The following PTK2B variants were observed in gnomAD, a reference collection of about 807,000 sequenced individuals.
PTK2B encodes protein tyrosine kinase 2 beta.
Under a neutral mutation model 142.9 loss-of-function variants are expected in PTK2B, and 71 were observed. The observed-to-expected ratio is 0.50, with a 90% CI of 0.41 to 0.61. The LOEUF (loss-of-function observed/expected upper bound fraction) is 0.61. Ranked by LOEUF, PTK2B falls within the 20% of genes least tolerant of loss-of-function variation. The pLI is 0.00. For missense variants in PTK2B, 1,105 were observed against 1,320.4 expected, an observed-to-expected ratio of 0.84 and a Z score of 2.53; for synonymous variants, 519 against 503.4, an observed-to-expected ratio of 1.03 and a Z score of -0.42.
intron 1 of PTK2B, among the ~76,000 whole-genome samples, chr8:27,362,190 G>T (rs1348051970): frequency 6.6e-6 from 1 of 152,168 alleles, no homozygotes; most frequent in East Asian, 1.9e-4. Flanking sequence ...CAGGGCTTGA[G>T]TTGAAAAGTT....
intron 2 of PTK2B, among the ~76,000 whole-genome samples, chr8:27,404,311 G>A (rs1808572272): frequency 6.6e-6 from 1 of 152,198 alleles, no homozygotes; most frequent in Non-Finnish European, 1.5e-5. Context: ...TTGAGCAGAA[G>A]CAGAGATATT....
chr8:27,425,094 A>G (rs1256278719), intron 5 of PTK2B, among the ~76,000 whole-genome samples: 2 of 151,978 alleles, frequency 1.3e-5, no homozygotes, highest in East Asian at 3.8e-4. Flanking sequence ...TTATGTTTCT[A>G]TATAACATTT....
At chr8:27,416,829 A>G (rs1809429699) in intron 2 of PTK2B, among the ~76,000 whole-genome samples, 1 of 152,232 alleles carries the variant, frequency 6.6e-6, no homozygotes, top group Non-Finnish European at 1.5e-5. Flanking sequence ...AGGAAGGTAT[A>G]TGAATGGCCT....
At chr8:27,407,823 A>G (rs921578842) in intron 2 of PTK2B, among the ~76,000 whole-genome samples, 1 of 152,016 alleles carries the variant, frequency 6.6e-6, no homozygotes, top group Non-Finnish European at 1.5e-5. Context: ...ACCCATCACA[A>G]TGCTAGCTAC....
chr8:27,439,165 G>A, intron 19 of PTK2B, 34 bp downstream of exon 19: 1 of 1,602,746 alleles, frequency 6.2e-7, no homozygotes, highest in Non-Finnish European at 8.5e-7. Context: ...CATTGGCCTT[G>A]GAGGGGTCGC....
At chr8:27,450,286 A>T (rs1460934583) in intron 24 of PTK2B, among the ~76,000 whole-genome samples, 1 of 152,194 alleles carries the variant, frequency 6.6e-6, no homozygotes, top group Non-Finnish European at 1.5e-5. Flanking sequence ...TTAGGTGGAG[A>T]TAGCATCAGA....
chr8:27,317,192 T>C (rs1387055947), intron 3 of PTK2B, among the ~76,000 whole-genome samples: 1 of 152,238 alleles, frequency 6.6e-6, no homozygotes, highest in Non-Finnish European at 1.5e-5. Flanking sequence ...CCTTCCAGAA[T>C]ACTCCCTTGC....
intron 1 of PTK2B, among the ~76,000 whole-genome samples, chr8:27,338,406 G>A (rs915457290): frequency 2.0e-5 from 3 of 152,024 alleles, no homozygotes; most frequent in African/African-American, 7.2e-5. Context: ...AGGGTGGGAG[G>A]GGGGTGAGGG....
chr8:27,320,980 CTTTTTTT>C (rs776395346), upstream of PTK2B, among the ~76,000 whole-genome samples: 15 of 39,394 alleles, frequency 3.8e-4, no homozygotes, highest in South Asian at 1.3e-3. Context: ...ATACAAAAGG[CTTTTTTT>C]TTTTTTTTTT....
chr8:27,400,183 G>A (rs908943136), intron 2 of PTK2B, among the ~76,000 whole-genome samples: 5 of 152,176 alleles, frequency 3.3e-5, no homozygotes, highest in Non-Finnish European at 1.5e-5. Context: ...TGTGCCCTCG[G>A]GAAGGGAATG....
chr8:27,338,815 A>G (rs1804228309), intron 1 of PTK2B, among the ~76,000 whole-genome samples: 1 of 152,198 alleles, frequency 6.6e-6, no homozygotes, highest in African/African-American at 2.4e-5. Context: ...AGAGAGCTTT[A>G]CCTCCTATTC....
chr8:27,453,972 G>A, intron 28 of PTK2B, 182 bp from the exon 29 acceptor site: 1 of 748,786 alleles, frequency 1.3e-6, no homozygotes, highest in Non-Finnish European at 2.1e-6. Context: ...CTCCCTGGCT[G>A]GAAACTGCCC....
At chr8:27,398,471 A>G (rs2131424989) in intron 2 of PTK2B, among the ~76,000 whole-genome samples, 1 of 152,360 alleles carries the variant, frequency 6.6e-6, no homozygotes, top group South Asian at 2.1e-4. Flanking sequence ...AACTAATTTC[A>G]GTCATCTACA....
intron 3 of PTK2B, among the ~76,000 whole-genome samples, chr8:27,320,372 A>G (rs970765975): frequency 2.6e-5 from 4 of 152,134 alleles, no homozygotes; most frequent in African/African-American, 9.7e-5. Context: ...ACCTGGAGAT[A>G]GCATCAGATC....
chr8:27,374,568 C>T (rs1806554994), intron 1 of PTK2B, among the ~76,000 whole-genome samples: 1 of 152,222 alleles, frequency 6.6e-6, no homozygotes, highest in African/African-American at 2.4e-5. Flanking sequence ...TCAGCAGGCT[C>T]TGGGCTCTCA....
At chr8:27,312,104 G>C (rs1416375858) in intron 1 of PTK2B, among the ~76,000 whole-genome samples, 1 of 152,174 alleles carries the variant, frequency 6.6e-6, no homozygotes, top group Non-Finnish European at 1.5e-5. Flanking sequence ...ATTCTTGCCA[G>C]GTACAGTAGG....
chr8:27,313,550 T>A (rs759806018), intron 3 of PTK2B, among the ~76,000 whole-genome samples: 12 of 152,004 alleles, frequency 7.9e-5, no homozygotes, highest in African/African-American at 2.9e-4. Flanking sequence ...ACTTCTGGAG[T>A]CTTGCTGCCC....
At chr8:27,394,260 GT>G (rs1310248671) in intron 1 of PTK2B, among the ~76,000 whole-genome samples, 1 of 152,022 alleles carries the variant, frequency 6.6e-6, no homozygotes, top group African/African-American at 2.4e-5. Context: ...CTTTTTGACT[GT>G]TTTCCCTTCC....
intron 11 of PTK2B, 67 bp from the exon 12 acceptor site, chr8:27,434,026 A>AG (rs1351368486): frequency 3.9e-6 from 6 of 1,537,018 alleles, no homozygotes; most frequent in East Asian, 4.5e-5. Flanking sequence ...AATAGTGAGG[A>AG]GGTCAGTCAC....
Sources: allele counts gnomAD v4.1 joint callset (sites outside exome capture counted in the v4.1 genomes callset), GRCh38; gene constraint gnomAD v4.1.1; transcripts MANE v1.5; gene names NCBI Gene and HGNC (gene_info 2026-07-23, HGNC 2026-07-21).